The following CHRNA7 variants were observed in gnomAD, a reference collection of about 807,000 sequenced individuals.
The protein encoded by CHRNA7 is neuronal acetylcholine receptor subunit alpha-7.
CHRNA7 carries 17 observed loss-of-function variants against 48.0 expected under a neutral mutation model. The ratio of observed to expected loss-of-function variants is 0.35; its 90% CI spans 0.24 to 0.53. The LOEUF is 0.53. Among genes scored for constraint, CHRNA7 ranks in the 20% least tolerant of loss-of-function variants. The pLI, the probability that CHRNA7 is intolerant of heterozygous loss-of-function variation, is 0.92. For synonymous variants in CHRNA7, 75 were observed against 242.3 expected (o/e 0.31, Z 6.41); for missense variants, 155 against 577.7 (o/e 0.27, Z 7.50).
chr15:32,053,510 C>A (rs1221109215), intron 2 of CHRNA7, among the ~76,000 whole-genome samples: 2 of 152,080 alleles, frequency 1.3e-5, no homozygotes, highest in Non-Finnish European at 2.9e-5. Context: ...CAAAGAAATT[C>A]AAAAAGTATT....
chr15:32,154,838 T>C, intron 5 of CHRNA7, among the ~76,000 whole-genome samples: 2 of 99,304 alleles, frequency 2.0e-5, no homozygotes, highest in Non-Finnish European at 3.8e-5. Flanking sequence ...CACTCACACA[T>C]ACCACACACC....
chr15:32,039,006 C>A (rs780880441), intron 2 of CHRNA7, among the ~76,000 whole-genome samples: 1 of 152,116 alleles, frequency 6.6e-6, no homozygotes, highest in Non-Finnish European at 1.5e-5. Context: ...TTTTGTCTTT[C>A]AAGGAGTAGT....
At chr15:32,032,312 G>A (rs1436199560) in intron 2 of CHRNA7, among the ~76,000 whole-genome samples, 1 of 152,160 alleles carries the variant, frequency 6.6e-6, no homozygotes, top group African/African-American at 2.4e-5. Flanking sequence ...TGTTTATGGA[G>A]CAGTTCCTCA....
chr15:32,104,685 C>T lies in CHRNA7; in HGVS notation c.240+3338C>T, dbSNP rs895409912. ...ACTTTTGCCGAATGAGAGAATGAAGCAAAAACTCAAGGTGAACCTTGAGGT... is the reference window on the plus strand; with the variant it reads ...ACTTTTGCCGAATGAGAGAATGAAGTAAAAACTCAAGGTGAACCTTGAGGT... On this transcript the variant is annotated intron_variant, in intron 3 of 9. Coordinates refer to ENST00000306901, the MANE Select transcript of CHRNA7 (RefSeq NM_000746.6). Among the ~76,000 whole-genome samples, 20 of 152,110 alleles carry T rather than the reference C, an allele frequency of 1.3e-4. 1 individual carries two copies. The highest frequency in any genetic ancestry group is 4.1e-4 in the African/African-American group (17 of 41,432).
chr15:32,149,405 C>T lies in CHRNA7; in HGVS notation c.351-4502C>T, dbSNP rs116307157. Among the ~76,000 whole-genome samples, 324 of 152,290 alleles carry T rather than the reference C, an allele frequency of 2.1e-3. No homozygotes were observed. The highest frequency in any genetic ancestry group is 7.5e-3 in the African/African-American group (311 of 41,566). The stretch of plus-strand genomic sequence containing the variant: ...CCGGTGCTGTGGCCACTGAGGTCCT[C>T]ATAGGGGTTCTGGCCACTCACATTT... On this transcript the variant is annotated intron_variant, in intron 4 of 9. Transcript: ENST00000306901. The surrounding 1 kb of genome is among the most constrained non-coding windows in gnomAD (Gnocchi z 4.6).
At chr15:32,130,156 T>G (rs528671386) in intron 4 of CHRNA7, among the ~76,000 whole-genome samples, 1 of 152,040 alleles carries the variant, frequency 6.6e-6, no homozygotes, top group Non-Finnish European at 1.5e-5. Flanking sequence ...TGAGTACTTG[T>G]TGGTAGACAG....
At chr15:32,109,911 G>A (rs28565043) in intron 3 of CHRNA7, among the ~76,000 whole-genome samples, 25,171 of 152,084 alleles carry the variant, frequency 0.17, 2,417 homozygotes, top group Middle Eastern at 0.24. Context: ...TGCCTTGGAC[G>A]AGGTCTGGGT....
At chr15:32,032,725 T>C (rs1901903797) in intron 2 of CHRNA7, among the ~76,000 whole-genome samples, 1 of 152,142 alleles carries the variant, frequency 6.6e-6, no homozygotes, top group Non-Finnish European at 1.5e-5. Context: ...GACCCTGTAT[T>C]GCCTGGATGG....
intron 5 of CHRNA7, chr15:32,156,790 G>C (rs549575862): frequency 9.5e-6 from 1 of 105,322 alleles, no homozygotes; most frequent in East Asian, 2.3e-4. Context: ...CTTACAGACA[G>C]ATTCTAGGTG....
chr15:32,130,723 C>T (rs1474431996), intron 4 of CHRNA7, among the ~76,000 whole-genome samples: 4 of 151,730 alleles, frequency 2.6e-5, no homozygotes, highest in Non-Finnish European at 5.9e-5. Context: ...TAACTTATTA[C>T]GTTACTGACT....
intron 2 of CHRNA7, among the ~76,000 whole-genome samples, chr15:32,040,167 G>A (rs1317295599): frequency 1.3e-5 from 2 of 151,974 alleles, no homozygotes; most frequent in African/African-American, 4.8e-5. Flanking sequence ...TTTTTTGTAG[G>A]CACATACAGT....
At chr15:32,132,686 A>G (rs766298033) in intron 4 of CHRNA7, among the ~76,000 whole-genome samples, 7 of 152,046 alleles carry the variant, frequency 4.6e-5, no homozygotes, top group Non-Finnish European at 1.0e-4. Context: ...AGAGGGAGAG[A>G]GAGGGGCACG....
chr15:32,106,192 G>A (rs550359743), intron 3 of CHRNA7, among the ~76,000 whole-genome samples: 1 of 152,216 alleles, frequency 6.6e-6, no homozygotes, highest in Non-Finnish European at 1.5e-5. Flanking sequence ...GGGTTCTGAG[G>A]GGGGTGCAAA....
intron 4 of CHRNA7, among the ~76,000 whole-genome samples, chr15:32,119,934 T>C (rs754793460): frequency 6.6e-6 from 1 of 152,212 alleles, no homozygotes; most frequent in Non-Finnish European, 1.5e-5. Flanking sequence ...CTGTTAATGC[T>C]GTCTGCCTCA....
intron 4 of CHRNA7, among the ~76,000 whole-genome samples, chr15:32,136,333 A>G (rs373393142): frequency 1.2e-4 from 19 of 152,150 alleles, no homozygotes; most frequent in African/African-American, 4.6e-4. Context: ...TCTACTAAAA[A>G]TACAAAAATT....
chr15:32,105,434 G>T (rs2050649386), intron 3 of CHRNA7, among the ~76,000 whole-genome samples: 1 of 151,254 alleles, frequency 6.6e-6, no homozygotes, highest in Non-Finnish European at 1.5e-5. Context: ...AGAAGGAAAA[G>T]AGGCGGAGGA....
At chr15:32,050,997 T>C (rs981468577) in intron 2 of CHRNA7, among the ~76,000 whole-genome samples, 2 of 152,114 alleles carry the variant, frequency 1.3e-5, no homozygotes, top group African/African-American at 4.8e-5. Flanking sequence ...GTCTGATCGT[T>C]CCTCTGGAAG....
rs1195397056 is a variant in CHRNA7, at chr15:32,149,291, T to C, written c.351-4616T>C. The stretch of plus-strand genomic sequence containing the variant: ...GCAGCCCTACCCCTGTTTCCACGGT[T>C]ATGGGTGTTTGCCAGCACAGGGCTG... On this transcript the variant is annotated intron_variant, in intron 4 of 9. Transcript: ENST00000306901. This position sits in a 1 kb window ranked among gnomAD's most constrained non-coding sequence, Gnocchi z 4.6. 6.6e-6 allele frequency among the ~76,000 whole-genome samples: 1 copy of C among 152,196 alleles called. No individual in the cohort carries two copies. Among genetic ancestry groups the C allele is most frequent in the East Asian group, 1.9e-4 (1 of 5,178 alleles).
Position 32,038,248 on chromosome 15 carries a change from T to C in CHRNA7, c.195+7211T>C, listed in dbSNP as rs2049386755. 2.0e-5 allele frequency among the ~76,000 whole-genome samples: 3 copies of C among 149,568 alleles called. No homozygotes were observed. In the South Asian group the frequency reaches 6.2e-4, roughly 31 times the overall value. ...TGAAAAATATGTATATACACACATA[T>C]ACAAAAAACCTACAGCTAACATCAT... On this transcript the variant is annotated intron_variant, in intron 2 of 9. Coordinates refer to ENST00000306901, the MANE Select transcript of CHRNA7 (RefSeq NM_000746.6).
Sources: gnomAD v4.1 joint callset for allele counts (sites outside exome capture counted in the v4.1 genomes callset) on GRCh38, gnomAD v4.1.1 for gene constraint, Gnocchi (gnomAD v3.1) non-coding constraint, MANE v1.5 for transcripts, NCBI Gene and HGNC (gene_info 2026-07-23, HGNC 2026-07-21) for gene names.